The following APLP2 variants were observed in gnomAD, a reference collection of about 807,000 sequenced individuals.
The protein encoded by APLP2 is CDEI box-binding protein.
In APLP2, 53 loss-of-function variants were observed where a neutral mutation model predicts 89.9. The observed-to-expected ratio is 0.59, with a 90% CI of 0.47 to 0.74. APLP2 has a LOEUF of 0.74. Ranked by LOEUF, APLP2 falls within the 30% of genes least tolerant of loss-of-function variation. APLP2 has a pLI of 0.00. For missense variants in APLP2, 973 were observed against 975.9 expected, an observed-to-expected ratio of 1.00 and a Z score of 0.04; for synonymous variants, 372 against 348.6, an observed-to-expected ratio of 1.07 and a Z score of -0.75.
At position 130,123,718 on chromosome 11, in the gene APLP2, C is replaced by T. The variant is rs76370121; in HGVS notation, c.1029C>T (p.Cys343=). 1.6e-5 allele frequency: 26 copies of T among 1,614,264 alleles called. No homozygotes were observed. The highest frequency in any genetic ancestry group is 1.1e-4 in the East Asian group (5 of 44,880). ...GKCVRFIYGG[C]GGNRNNFESE... ...GCGTGCGCTTTATATATGGTGGCTG[C>T]GGCGGCAACAGGAACAATTTTGAGT... is the stretch of plus-strand genomic sequence containing the variant. Residue 343 remains cysteine, a synonymous_variant, in exon 7 of 17, where the codon TGC becomes TGT. Transcript: ENST00000338167. This position sits in a 1 kb window ranked among gnomAD's most constrained non-coding sequence, Gnocchi z 4.0.
chr11:130,121,866 TA>T, intron 5 of APLP2, 56 bp downstream of exon 5: 1 of 1,573,896 alleles, frequency 6.4e-7, no homozygotes. Flanking sequence ...AGCCCTTCTG[TA>T]AAGACGGCTG....
In APLP2 at chr11:130,069,951, C is replaced by G; in HGVS notation, c.-27C>G. On this transcript the variant is annotated 5_prime_UTR_variant, in exon 1 of 17. Coordinates refer to ENST00000338167, the MANE Select transcript of APLP2 (RefSeq NM_001142276.2). Reference sequence around the variant, plus strand: ...GAGTCCGAGTGTGTGAGCTTGAGAGCCGCGCGCTAGAGCGACCCGGCGAGG... The same window carrying G: ...GAGTCCGAGTGTGTGAGCTTGAGAGGCGCGCGCTAGAGCGACCCGGCGAGG... The G allele has an allele frequency of 6.7e-7, 1 of 1,484,856 alleles. No homozygotes were observed. The allele number at this position is 1,484,856 out of a possible 1,614,324, so 92.0% of individuals were successfully genotyped here.
At chr11:130,090,806 G>A (rs9267585) in intron 1 of APLP2, among the ~76,000 whole-genome samples, 1 of 152,144 alleles carries the variant, frequency 6.6e-6, no homozygotes, top group Non-Finnish European at 1.5e-5. Context: ...GTGGTGGCCG[G>A]GCAGAGGGGC....
At chr11:130,104,203 C>T (rs1378714319) in intron 1 of APLP2, among the ~76,000 whole-genome samples, 1 of 130,592 alleles carries the variant, frequency 7.7e-6, no homozygotes, top group East Asian at 2.4e-4. Flanking sequence ...TTTTGGTACA[C>T]ATCTTTTTTT....
chr11:130,134,587 A>T (rs1215382987), intron 12 of APLP2, among the ~76,000 whole-genome samples: 1 of 152,254 alleles, frequency 6.6e-6, no homozygotes, highest in African/African-American at 2.4e-5. Flanking sequence ...CTAGATCTGG[A>T]TTATGAATTT....
At chr11:130,111,899 G>A (rs922173766) in intron 3 of APLP2, among the ~76,000 whole-genome samples, 1 of 152,220 alleles carries the variant, frequency 6.6e-6, no homozygotes, top group African/African-American at 2.4e-5. Flanking sequence ...GAAAGTGCTT[G>A]AAATCGTTCC....
At chr11:130,071,128 C>G (rs1384996584) in intron 1 of APLP2, among the ~76,000 whole-genome samples, 1 of 151,382 alleles carries the variant, frequency 6.6e-6, no homozygotes, top group East Asian at 2.0e-4. Flanking sequence ...TTAAAAATTA[C>G]AACTGGTTTC....
intron 7 of APLP2, among the ~76,000 whole-genome samples, chr11:130,124,923 G>A (rs1364335974): frequency 6.6e-6 from 1 of 152,238 alleles, no homozygotes; most frequent in Non-Finnish European, 1.5e-5. Flanking sequence ...GAAGCCTGAG[G>A]AATCCCACTG....
chr11:130,130,853 TGTCAGCCCAGA>T (rs1950870910), intron 11 of APLP2, among the ~76,000 whole-genome samples: 1 of 152,230 alleles, frequency 6.6e-6, no homozygotes, highest in Non-Finnish European at 1.5e-5. Context: ...GGTGCTGGCC[TGTCAGCCCAGA>T]AACCCTCCTT....
At chr11:130,101,354 A>ATT (rs60974114) in intron 1 of APLP2, 47 of 142,114 alleles carry the variant, frequency 3.3e-4, no homozygotes, top group Middle Eastern at 3.8e-3. Flanking sequence ...AATTTTTTGT[A>ATT]TTTTTTTTTT....
chr11:130,132,033 G>A (rs566363073), intron 11 of APLP2, among the ~76,000 whole-genome samples: 37 of 152,220 alleles, frequency 2.4e-4, no homozygotes, highest in African/African-American at 8.7e-4. Context: ...TGAGTGAGAT[G>A]GTGCTTTTAC....
rs373081763 is a variant in APLP2, at chr11:130,140,439, G to A, written c.1879G>A (p.Glu627Lys). The A allele has an allele frequency of 5.3e-5, 85 of 1,611,464 alleles. No homozygotes were observed. The highest frequency in any genetic ancestry group is 6.7e-5 in the African/African-American group (5 of 74,806). Residue 627 changes from glutamate (E) to lysine (K), a missense_variant, in exon 14 of 17, where the codon GAA becomes AAA. Transcript: ENST00000338167. Reference sequence around the variant, plus strand: ...GCAGGATGGGGGACTGATCGGTGCCGAAGAGAAAGTGATTAACAGTAAGAA... The same window carrying A: ...GCAGGATGGGGGACTGATCGGTGCCAAAGAGAAAGTGATTAACAGTAAGAA... ...GEQDGGLIGA[E>K]EKVINSKNKV...
At chr11:130,070,667 C>A (rs574310722) in intron 1 of APLP2, 1 of 1,477,214 alleles carries the variant, frequency 6.8e-7, no homozygotes, top group African/African-American at 1.5e-5. Context: ...CTCCCTCTGC[C>A]GCCTGGGGCC....
Position 130,143,538 on chromosome 11 carries a change from C to A in APLP2, c.*90C>A. On this transcript the variant is annotated 3_prime_UTR_variant, in exon 17 of 17. Coordinates refer to ENST00000338167, the MANE Select transcript of APLP2 (RefSeq NM_001142276.2). ...ATCGACTGCCAAGCAGCAGCCGCTG[C>A]CAGGGGCTGCGTCTGACATCCTGAC... The A allele has an allele frequency of 9.1e-7, 1 of 1,094,478 alleles. No individual in the cohort carries two copies. Among genetic ancestry groups the A allele is most frequent in the Non-Finnish European group, 1.4e-6 (1 of 718,646 alleles). The allele number at this position is 1,094,478 out of a possible 1,614,324, so 67.8% of individuals were successfully genotyped here.
intron 1 of APLP2, among the ~76,000 whole-genome samples, chr11:130,091,267 G>A (rs768474299): frequency 1.7e-5 from 2 of 119,070 alleles, no homozygotes; most frequent in Non-Finnish European, 3.6e-5. Flanking sequence ...CCGGGCGGGG[G>A]GCTGACCCCC....
rs954528690 is a variant in APLP2 at position 130,125,897 on chromosome 11, G to A, written c.1091-803G>A. Among the ~76,000 whole-genome samples the A allele has an allele frequency of 7.9e-5, 12 of 152,116 alleles. 1 individual carries two copies. The highest frequency in any genetic ancestry group is 7.2e-4 in the Admixed American group (11 of 15,274). ...TTCCCTTATCAGGCTAAATTCCATC[G>A]TGCAGAGACTTGCTTGGGCCCCATG... is the stretch of plus-strand genomic sequence containing the variant. On this transcript the variant is annotated intron_variant, in intron 7 of 16. Coordinates refer to ENST00000338167, the MANE Select transcript of APLP2 (RefSeq NM_001142276.2).
At chr11:130,130,819 G>A (rs532640577) in intron 11 of APLP2, among the ~76,000 whole-genome samples, 2 of 152,194 alleles carry the variant, frequency 1.3e-5, no homozygotes, top group African/African-American at 2.4e-5. Flanking sequence ...GAGTGTCAGG[G>A]TACATGGGCT....
At chr11:130,077,768 T>G (rs923039093) in intron 1 of APLP2, among the ~76,000 whole-genome samples, 3 of 152,254 alleles carry the variant, frequency 2.0e-5, no homozygotes, top group African/African-American at 7.2e-5. Flanking sequence ...TTGTAACACA[T>G]ATTTATCAAC....
chr11:130,105,766 T>C (rs1425121656), intron 1 of APLP2, among the ~76,000 whole-genome samples: 2 of 149,512 alleles, frequency 1.3e-5, no homozygotes, highest in Non-Finnish European at 3.0e-5. Context: ...TGCAATGGTG[T>C]GATCTCTGCT....
Sources: allele counts gnomAD v4.1 joint callset (sites outside exome capture counted in the v4.1 genomes callset), GRCh38; gene constraint gnomAD v4.1.1; non-coding constraint Gnocchi (gnomAD v3.1); transcripts MANE v1.5; gene names NCBI Gene and HGNC (gene_info 2026-07-23, HGNC 2026-07-21).